Variants in SYNDIG1 observed in about 807,000 individuals in gnomAD.
SYNDIG1 encodes synapse differentiation inducing 1.
SYNDIG1 carries 9 observed loss-of-function variants against 19.4 expected under a neutral mutation model. That is an observed-to-expected ratio of 0.46 (90% CI 0.28 to 0.81). The LOEUF (loss-of-function observed/expected upper bound fraction) is 0.81. SYNDIG1 is among the 30% of genes least tolerant of loss of function. The pLI, the probability that SYNDIG1 is intolerant of heterozygous loss-of-function variation, is 0.12. For synonymous variants in SYNDIG1, 141 were observed against 145.9 expected (o/e 0.97, Z 0.24); for missense variants, 311 against 343.3 (o/e 0.91, Z 0.74).
At position 24,494,364 on chromosome 20, in the gene SYNDIG1, C is replaced by G. The variant is rs77488792; in HGVS notation, c.-79+24611C>G. On this transcript the variant is annotated intron_variant, in intron 1 of 3. Transcript: ENST00000376862. Reference sequence around the variant, plus strand: ...ACACAGCTAGAGGAGCTGGCGGGTCCGAGGGTGACTGTGGGAGTGGATGGC... The same window carrying G: ...ACACAGCTAGAGGAGCTGGCGGGTCGGAGGGTGACTGTGGGAGTGGATGGC... 4.5e-3 allele frequency among the ~76,000 whole-genome samples: 690 copies of G among 152,170 alleles called. 4 individuals carry two copies. The highest frequency in any genetic ancestry group is 0.015 in the African/African-American group (640 of 41,502).
intron 1 of SYNDIG1, among the ~76,000 whole-genome samples, chr20:24,500,990 A>G (rs921123324): frequency 2.2e-4 from 34 of 152,214 alleles, no homozygotes; most frequent in Non-Finnish European, 1.9e-4. Context: ...ACTCTACCGT[A>G]TAAACACTAA....
intron 3 of SYNDIG1, among the ~76,000 whole-genome samples, chr20:24,657,147 C>T (rs532152640): frequency 1.3e-5 from 2 of 152,316 alleles, no homozygotes; most frequent in East Asian, 3.9e-4. Flanking sequence ...AATCTCTTTT[C>T]TTTATAAAGT....
At chr20:24,580,212 G>T (rs2146994732) in intron 2 of SYNDIG1, among the ~76,000 whole-genome samples, 1 of 152,266 alleles carries the variant, frequency 6.6e-6, no homozygotes, top group South Asian at 2.1e-4. Context: ...TGGTGTTGGG[G>T]ATTGTGTGTA....
At chr20:24,548,192 T>C (rs762873748) in intron 2 of SYNDIG1, among the ~76,000 whole-genome samples, 8 of 152,250 alleles carry the variant, frequency 5.3e-5, no homozygotes, top group Non-Finnish European at 1.0e-4. Flanking sequence ...GTGGCTCTGC[T>C]GTCAGCCCTT....
At chr20:24,513,301 A>G (rs2056789838) in intron 1 of SYNDIG1, among the ~76,000 whole-genome samples, 1 of 152,232 alleles carries the variant, frequency 6.6e-6, no homozygotes, top group African/African-American at 2.4e-5. Flanking sequence ...CTGAGAGAAG[A>G]AGGCTTCAGA....
intron 1 of SYNDIG1, among the ~76,000 whole-genome samples, chr20:24,513,728 C>T (rs937107411): frequency 2.6e-5 from 4 of 152,140 alleles, no homozygotes; most frequent in Non-Finnish European, 5.9e-5. Context: ...ATAACTTCCC[C>T]AACCTAGCAA....
intron 2 of SYNDIG1, among the ~76,000 whole-genome samples, chr20:24,576,661 C>T (rs368908697): frequency 1.5e-4 from 23 of 152,236 alleles, no homozygotes; most frequent in African/African-American, 5.5e-4. Flanking sequence ...TACCCATGTG[C>T]TAAATAGTAA....
At chr20:24,613,957 G>A (rs75133164) in intron 3 of SYNDIG1, among the ~76,000 whole-genome samples, 8 of 152,308 alleles carry the variant, frequency 5.3e-5, no homozygotes, top group South Asian at 2.1e-4. Context: ...GCAGACCATG[G>A]AGAGCACTCT....
chr20:24,494,036 C>T (rs926312088), intron 1 of SYNDIG1, among the ~76,000 whole-genome samples: 10 of 152,202 alleles, frequency 6.6e-5, no homozygotes, highest in African/African-American at 2.2e-4. Context: ...CGGCTGGTTG[C>T]ATCCCGGCCA....
intron 3 of SYNDIG1, among the ~76,000 whole-genome samples, chr20:24,602,946 C>T (rs1329604610): frequency 6.6e-6 from 1 of 152,204 alleles, no homozygotes; most frequent in African/African-American, 2.4e-5. Flanking sequence ...AACTGAAATT[C>T]TAACTGGCTC....
At chr20:24,579,217 CTT>C (rs2058282446) in intron 2 of SYNDIG1, among the ~76,000 whole-genome samples, 1 of 152,210 alleles carries the variant, frequency 6.6e-6, no homozygotes, top group Admixed American at 6.5e-5. Flanking sequence ...AAGGAATAGT[CTT>C]TGCTGTGGGC....
intron 1 of SYNDIG1, among the ~76,000 whole-genome samples, chr20:24,487,667 A>G (rs984244950): frequency 2.0e-5 from 3 of 152,228 alleles, no homozygotes; most frequent in Admixed American, 2.0e-4. Context: ...GTATGCATCT[A>G]TGCATGCTAA....
At chr20:24,537,605 C>G (rs1440994711) in intron 1 of SYNDIG1, among the ~76,000 whole-genome samples, 6 of 152,248 alleles carry the variant, frequency 3.9e-5, no homozygotes, top group African/African-American at 1.4e-4. Context: ...CTTCAGTGAT[C>G]AGAGATGGTC....
chr20:24,556,854 C>T (rs2057831000), intron 2 of SYNDIG1, among the ~76,000 whole-genome samples: 1 of 152,160 alleles, frequency 6.6e-6, no homozygotes, highest in Non-Finnish European at 1.5e-5. Flanking sequence ...TGTTGGCCTG[C>T]CTTGCTAGAT....
chr20:24,530,386 T>C (rs938362581), intron 1 of SYNDIG1, among the ~76,000 whole-genome samples: 33 of 152,218 alleles, frequency 2.2e-4, no homozygotes, highest in African/African-American at 8.0e-4. Flanking sequence ...TAGGATGATG[T>C]AGCATTTTGC....
chr20:24,516,425 T>C (rs941219069), intron 1 of SYNDIG1, among the ~76,000 whole-genome samples: 20 of 152,158 alleles, frequency 1.3e-4, no homozygotes, highest in African/African-American at 2.9e-4. Flanking sequence ...ATTTTTGCAA[T>C]CTACTCATCT....
intron 3 of SYNDIG1, among the ~76,000 whole-genome samples, chr20:24,620,355 C>A (rs969472129): frequency 7.9e-5 from 12 of 152,138 alleles, no homozygotes; most frequent in African/African-American, 2.9e-4. Flanking sequence ...GGGGGGTGAC[C>A]TGACAGCTAG....
intron 1 of SYNDIG1, among the ~76,000 whole-genome samples, chr20:24,474,269 A>G (rs967289094): frequency 6.6e-6 from 1 of 152,244 alleles, no homozygotes; most frequent in Admixed American, 6.5e-5. Flanking sequence ...TCAAGATGCA[A>G]GCATGGTTGG....
At chr20:24,561,443 T>G (rs1326287086) in intron 2 of SYNDIG1, among the ~76,000 whole-genome samples, 1 of 151,760 alleles carries the variant, frequency 6.6e-6, no homozygotes. Flanking sequence ...TTTTCCAACC[T>G]CTGCTCTCAA....
Sources: allele counts gnomAD v4.1 joint callset (sites outside exome capture counted in the v4.1 genomes callset), GRCh38; gene constraint gnomAD v4.1.1; transcripts MANE v1.5; gene names NCBI Gene and HGNC (gene_info 2026-07-23, HGNC 2026-07-21).